The following RIT2 variants were observed in gnomAD, a reference collection of about 807,000 sequenced individuals.
RIT2 encodes the protein Ras like without CAAX 2.
In RIT2, 24 loss-of-function variants were observed where a neutral mutation model predicts 23.7. That is an observed-to-expected ratio of 1.01 (90% CI 0.73 to 1.43). RIT2 has a LOEUF of 1.43. Ranked by LOEUF, RIT2 falls within the 40% of genes most tolerant of loss-of-function variation. The pLI, the probability that RIT2 is intolerant of heterozygous loss-of-function variation, is 0.00. For missense variants in RIT2, 236 were observed against 266.9 expected, an observed-to-expected ratio of 0.88 and a Z score of 0.81; for synonymous variants, 107 against 91.1, an observed-to-expected ratio of 1.17 and a Z score of -0.99.
At chr18:42,920,813 C>T in intron 4 of RIT2, 1 of 1,172,626 alleles carries the variant, frequency 8.5e-7, no homozygotes, top group Non-Finnish European at 1.3e-6. Flanking sequence ...TGCCTCTCAC[C>T]ACTAAACAAT....
chr18:43,095,532 T>C (rs928503431), intron 1 of RIT2, among the ~76,000 whole-genome samples: 1 of 152,030 alleles, frequency 6.6e-6, no homozygotes, highest in East Asian at 1.9e-4. Context: ...AAATAAAACA[T>C]AGACAAGTAC....
At chr18:43,009,934 C>T (rs960986648) in intron 2 of RIT2, among the ~76,000 whole-genome samples, 5 of 151,762 alleles carry the variant, frequency 3.3e-5, no homozygotes, top group African/African-American at 9.6e-5. Flanking sequence ...GTCATGTTCC[C>T]CTTATTCCCA....
At chr18:42,907,966 G>GAA (rs1201350991) in intron 4 of RIT2, among the ~76,000 whole-genome samples, 1 of 135,846 alleles carries the variant, frequency 7.4e-6, no homozygotes. Flanking sequence ...GTGACAGAGT[G>GAA]AAAAAAAAAA....
At chr18:42,835,820 A>G (rs1906586545) in intron 4 of RIT2, among the ~76,000 whole-genome samples, 1 of 152,178 alleles carries the variant, frequency 6.6e-6, no homozygotes, top group African/African-American at 2.4e-5. Context: ...AAAGTTATAA[A>G]GTCAGACTGT....
chr18:42,977,738 T>C (rs974001185), intron 2 of RIT2, among the ~76,000 whole-genome samples: 5 of 150,678 alleles, frequency 3.3e-5, no homozygotes, highest in Non-Finnish European at 4.4e-5. Flanking sequence ...TATAAAAGCA[T>C]AAATGCCACT....
At chr18:42,833,343 T>C (rs946512706) in intron 4 of RIT2, among the ~76,000 whole-genome samples, 2 of 152,184 alleles carry the variant, frequency 1.3e-5, no homozygotes, top group African/African-American at 4.8e-5. Context: ...TAAATCGTAT[T>C]CCATTCTGTA....
intron 1 of RIT2, among the ~76,000 whole-genome samples, chr18:43,044,098 G>A (rs905326143): frequency 6.6e-6 from 1 of 152,136 alleles, no homozygotes; most frequent in African/African-American, 2.4e-5. Context: ...GGAGTGATAG[G>A]ATCTTTTTAA....
chr18:42,773,040 TA>T (rs1400679438), intron 4 of RIT2, among the ~76,000 whole-genome samples: 3 of 152,132 alleles, frequency 2.0e-5, no homozygotes, highest in African/African-American at 7.2e-5. Context: ...TAAGCCATAT[TA>T]AAAAGGCCTG....
At chr18:43,018,019 T>C (rs765547732) in intron 2 of RIT2, among the ~76,000 whole-genome samples, 3 of 152,080 alleles carry the variant, frequency 2.0e-5, no homozygotes, top group Non-Finnish European at 2.9e-5. Context: ...TTTATTCTGA[T>C]GTGAAATTTC....
intron 4 of RIT2, among the ~76,000 whole-genome samples, chr18:42,848,559 T>C (rs1256805973): frequency 2.6e-5 from 4 of 152,168 alleles, no homozygotes. Context: ...ATAAAAAATG[T>C]TATGAAGTAG....
At chr18:42,803,409 ATT>A (rs1003440359) in intron 4 of RIT2, among the ~76,000 whole-genome samples, 3 of 152,128 alleles carry the variant, frequency 2.0e-5, no homozygotes, top group African/African-American at 7.2e-5. Flanking sequence ...TTGATTTGAT[ATT>A]GTTTGTCACT....
At chr18:42,757,056 G>A (rs951687425) in intron 4 of RIT2, among the ~76,000 whole-genome samples, 13 of 152,130 alleles carry the variant, frequency 8.5e-5, no homozygotes, top group African/African-American at 3.1e-4. Context: ...AGTGAACCAT[G>A]TTCAATAAAC....
rs1228095958 is a variant in RIT2 at position 42,940,843 on chromosome 18, C to T, written c.235-17080G>A. Among the ~76,000 whole-genome samples, 72 of 152,202 alleles carry T rather than the reference C, an allele frequency of 4.7e-4. 1 individual carries two copies. The highest frequency in any genetic ancestry group is 4.6e-3 in the Admixed American group (70 of 15,264). On this transcript the variant is annotated intron_variant, in intron 3 of 4. Coordinates refer to ENST00000326695, the MANE Select transcript of RIT2 (RefSeq NM_002930.4). ...TTAACTCTTAATTCTGATGTACATT[C>T]CAAAATAGCATGCTGGTAAGTTTTC...
intron 1 of RIT2, among the ~76,000 whole-genome samples, chr18:43,092,637 C>G (rs750654594): frequency 3.3e-5 from 5 of 152,010 alleles, no homozygotes; most frequent in Non-Finnish European, 5.9e-5. Flanking sequence ...ACTGAGAGGA[C>G]CATGGTTGCC....
At chr18:42,997,402 AAAAG>A (rs1911009708) in intron 2 of RIT2, among the ~76,000 whole-genome samples, 1 of 152,124 alleles carries the variant, frequency 6.6e-6, no homozygotes, top group Non-Finnish European at 1.5e-5. Context: ...GAAAGAAAGA[AAAAG>A]AAGAAAGAAA....
intron 1 of RIT2, among the ~76,000 whole-genome samples, chr18:43,086,836 C>T (rs949331819): frequency 1.2e-4 from 19 of 152,148 alleles, no homozygotes; most frequent in African/African-American, 4.3e-4. Flanking sequence ...TTCTCAAAGA[C>T]AGTTCTGAGA....
At chr18:42,791,192 A>C (rs1231798985) in intron 4 of RIT2, among the ~76,000 whole-genome samples, 2 of 152,206 alleles carry the variant, frequency 1.3e-5, no homozygotes, top group East Asian at 3.8e-4. Flanking sequence ...AAGATAATCT[A>C]ATTTTCTTTT....
intron 1 of RIT2, among the ~76,000 whole-genome samples, chr18:43,098,986 C>A (rs902192914): frequency 6.6e-6 from 1 of 151,992 alleles, no homozygotes; most frequent in Non-Finnish European, 1.5e-5. Flanking sequence ...AAGAAAACCT[C>A]CATGCTGTTG....
At chr18:42,969,876 T>G (rs993987375) in intron 3 of RIT2, among the ~76,000 whole-genome samples, 2 of 152,082 alleles carry the variant, frequency 1.3e-5, no homozygotes, top group Non-Finnish European at 2.9e-5. Flanking sequence ...TATCAAAATT[T>G]GTGCACTTCT....
Sources: allele counts gnomAD v4.1 joint callset (sites outside exome capture counted in the v4.1 genomes callset), GRCh38; gene constraint gnomAD v4.1.1; transcripts MANE v1.5; gene names NCBI Gene and HGNC (gene_info 2026-07-23, HGNC 2026-07-21).